MEFV: variants seen among roughly 807,000 people sequenced by gnomAD.
The protein encoded by MEFV is pyrin.
In MEFV, 60 loss-of-function variants were observed where a neutral mutation model predicts 62.5. That is an observed-to-expected ratio of 0.96 (90% CI 0.78 to 1.19). The LOEUF (loss-of-function observed/expected upper bound fraction) is 1.19, where lower values mean the gene tolerates loss of function less well. Ranked by LOEUF, MEFV falls within the 50% of genes most tolerant of loss-of-function variation. The pLI, the probability that MEFV is intolerant of heterozygous loss-of-function variation, is 0.00. For missense variants in MEFV, 1,169 were observed against 1,004.5 expected (o/e 1.16, Z -2.21); for synonymous variants, 500 against 415.2 (o/e 1.20, Z -2.48).
chr16:3,245,423 C>T (rs1958927059), intron 6 of MEFV, among the ~76,000 whole-genome samples: 1 of 152,144 alleles, frequency 6.6e-6, no homozygotes, highest in Non-Finnish European at 1.5e-5. Flanking sequence ...GGGTGGATCA[C>T]TTGAGGTCAG....
chr16:3,243,902 A>C lies in MEFV; in HGVS notation c.1760-10T>G. The C allele has an allele frequency of 6.2e-7, 1 of 1,613,950 alleles. No individual in the cohort carries two copies. Among genetic ancestry groups the C allele is most frequent in the African/African-American group, 1.3e-5 (1 of 75,046 alleles). ...CCAATCAGCTCCGGAACTACGGAGA[A>C]AAATCAGATAGGGAAAAAAATCCTG... is the stretch of plus-strand genomic sequence containing the variant. On this transcript the variant is annotated splice_polypyrimidine_tract_variant and intron_variant, in intron 8 of 9. Transcript: ENST00000219596.
At position 3,247,081 on chromosome 16, in the gene MEFV, G is replaced by C. The variant is rs199937453; in HGVS notation, c.1522C>G (p.Leu508Val). 23 of 1,614,188 alleles carry C rather than the reference G, an allele frequency of 1.4e-5. No homozygotes were observed. The African/African-American group carries it at 2.5e-4, about 18-fold the overall frequency. The change falls in exon 5 of 10, where the codon CTG (leucine) becomes GTG (valine). Residue 508 changes from leucine (L) to valine (V), a missense_variant. Transcript: ENST00000219596. ...YDTRVSQDIA[L>V]LDALIGELEA... is the part of the protein sequence containing the mutation. Reference sequence around the variant, plus strand: ...AGTTCCCCAATCAGCGCATCGAGCAGGGCGATGTCCTGGGATACGCGGGTG... The same window carrying C: ...AGTTCCCCAATCAGCGCATCGAGCACGGCGATGTCCTGGGATACGCGGGTG...
rs761181557 is a variant in MEFV, at chr16:3,254,720, C to G, written c.348G>C (p.Arg116Ser). The change falls in exon 2 of 10, where the codon AGG (arginine) becomes AGC (serine). Residue 116 changes from arginine to serine, a missense_variant. Coordinates refer to ENST00000219596, the MANE Select transcript of MEFV (RefSeq NM_000243.3). ...CGGGGTGGTCTGGAGTCTTCAGGCT[C>G]CTGGGCTTGTTCTCCCCCAGGGAGC... is the stretch of plus-strand genomic sequence containing the variant. The part of the protein sequence containing the change: ...ASSSLGENKP[R>S]SLKTPDHPEG... 4.3e-6 allele frequency: 7 copies of G among 1,612,906 alleles called. No individual in the cohort carries two copies. The highest frequency in any genetic ancestry group is 5.1e-6 in the Non-Finnish European group (6 of 1,180,014).
Position 3,243,377 on chromosome 16 carries a change from C to G in MEFV, c.2110G>C (p.Val704Leu). The change falls in exon 10 of 10, where the codon GTT (valine) becomes CTT (leucine). Residue 704 changes from valine (V) to leucine (L), a missense_variant. Coordinates refer to ENST00000219596, the MANE Select transcript of MEFV (RefSeq NM_000243.3). ...TTTATTAGCAGGCGGGTCGGGGGAACGCTGGACGCCTGGTACTCATTTTCC... is the reference window on the plus strand; with the variant it reads ...TTTATTAGCAGGCGGGTCGGGGGAAGGCTGGACGCCTGGTACTCATTTTCC... Reference protein sequence around the residue: ...MKENEYQASSVPPTRLLIKEP... With the variant: ...MKENEYQASSLPPTRLLIKEP... 1 of 1,614,130 alleles carries G rather than the reference C, an allele frequency of 6.2e-7. No homozygotes were observed. The highest frequency in any genetic ancestry group is 8.5e-7 in the Non-Finnish European group (1 of 1,180,026).
intron 6 of MEFV, among the ~76,000 whole-genome samples, chr16:3,245,949 G>A (rs1958936799): frequency 6.6e-6 from 1 of 152,176 alleles, no homozygotes; most frequent in Non-Finnish European, 1.5e-5. Context: ...TAAGCAAAAT[G>A]TATGAACACA....
In MEFV at chr16:3,243,304, C is replaced by T; in HGVS notation, c.2183G>A (p.Ser728Asn). The change falls in exon 10 of 10, where the codon AGC (serine) becomes AAC (asparagine). Residue 728 changes from serine to asparagine, a missense_variant. By Grantham distance (46) the Ser-to-Asn change is conservative. Coordinates refer to ENST00000219596, the MANE Select transcript of MEFV (RefSeq NM_000243.3). ...GGCTGTCACATTGTAAAAGGAGATG[C>T]TTCCAACTCTGTAGTCCACGAAGAT... ...VGIFVDYRVG[S>N]ISFYNVTARS... 1 of 1,614,180 alleles carries T rather than the reference C, an allele frequency of 6.2e-7. No homozygotes were observed. Among genetic ancestry groups the T allele is most frequent in the Non-Finnish European group, 8.5e-7 (1 of 1,180,040 alleles).
Position 3,244,676 on chromosome 16 carries a change from C to T in MEFV, c.1611-88G>A, listed in dbSNP as rs1256047428. ...AGCTGGAAATGAACTACATTCTCCA[C>T]AGGGCACACCTAGCCCAGCCTGAGC... On this transcript the variant is annotated intron_variant, in intron 6 of 9. Transcript: ENST00000219596. 5 of 972,202 alleles carry T rather than the reference C, an allele frequency of 5.1e-6. No individual in the cohort carries two copies. In the East Asian group the frequency reaches 9.5e-5, roughly 19 times the overall value. The allele number at this position is 972,202 out of a possible 1,614,324, so 60.2% of individuals were successfully genotyped here. A position where few individuals can be genotyped will look rare whatever the true frequency, so the allele number is the denominator to read the frequency against.
rs224204 is a variant in MEFV, at chr16:3,246,429, G to A, written c.1610+96C>T. Reference sequence around the variant, plus strand: ...GGAGTCTGGAATCACAGACCCCGGGGTTGGGAACATCTCCCTCCCAGGTCC... The same window carrying A: ...GGAGTCTGGAATCACAGACCCCGGGATTGGGAACATCTCCCTCCCAGGTCC... On this transcript the variant is annotated intron_variant, in intron 6 of 9. Transcript: ENST00000219596. 0.48 allele frequency: 687,393 copies of A among 1,418,208 alleles called. 168,563 individuals carry two copies. Among genetic ancestry groups the A allele is most frequent in the Admixed American group, 0.62 (36,009 of 58,472 alleles). 87.9% of individuals were successfully genotyped at this position (1,418,208 alleles called of 1,614,324 possible).
chr16:3,245,588 C>A lies in MEFV; in HGVS notation c.1610+937G>T, dbSNP rs575852430. Among the ~76,000 whole-genome samples, 12 of 151,686 alleles carry A rather than the reference C, an allele frequency of 7.9e-5. No homozygotes were observed. The South Asian group carries it at 2.5e-3, about 32-fold the overall frequency. ...GGCAGAGGTTGTAGTGAGCCAAGAT[C>A]GCGCCACTGCACTCCAGCCTGGATG... On this transcript the variant is annotated intron_variant, in intron 6 of 9. Transcript: ENST00000219596.
intron 2 of MEFV, among the ~76,000 whole-genome samples, chr16:3,250,434 G>A (rs1448323210): frequency 1.3e-5 from 2 of 151,610 alleles, no homozygotes; most frequent in African/African-American, 4.9e-5. Context: ...CATGGCAAGA[G>A]CCCACCTCTA....
Position 3,243,619 on chromosome 16 carries a change from C to G in MEFV, c.1868G>C (p.Gly623Ala). The G allele has an allele frequency of 5.6e-6, 9 of 1,598,380 alleles. No individual in the cohort carries two copies. Among genetic ancestry groups the G allele is most frequent in the Non-Finnish European group, 7.7e-6 (9 of 1,171,354 alleles). ...FSDDLKSVRLGNKWERLPDGP... is the reference protein window; with the variant it reads ...FSDDLKSVRLANKWERLPDGP... Reference sequence around the variant, plus strand: ...ATCAGGCAGCCTCTCCCACTTGTTTCCAAGTCTAACACTCTTCAGATCATC... The same window carrying G: ...ATCAGGCAGCCTCTCCCACTTGTTTGCAAGTCTAACACTCTTCAGATCATC... Residue 623 changes from glycine (G) to alanine (A), a missense_variant, in exon 10 of 10, where the codon GGA (glycine) becomes GCA (alanine). Physicochemically the swap from Gly to Ala is moderately conservative, Grantham distance 60 (BLOSUM62 0). Transcript: ENST00000219596.
rs1357615824 is a variant in MEFV at position 3,256,518 on chromosome 16, A to C, written c.70T>G (p.Phe24Val). ...CTGGTGTTCTGCAGCTTGAACTTGA[A>C]CTTCTCGAAGTCATAGGGCACCAGC... ...EELVPYDFEK[F>V]KFKLQNTSVQ... Residue 24 changes from phenylalanine to valine, a missense_variant, in exon 1 of 10, where the codon TTC becomes GTC. By Grantham distance (50) the Phe-to-Val change is conservative (BLOSUM62 -1). Coordinates refer to ENST00000219596, the MANE Select transcript of MEFV (RefSeq NM_000243.3). 3.1e-6 allele frequency: 5 copies of C among 1,613,900 alleles called. No individual in the cohort carries two copies. Among genetic ancestry groups the C allele is most frequent in the Non-Finnish European group, 3.4e-6 (4 of 1,179,988 alleles).
In MEFV at chr16:3,243,340, T is replaced by C; in HGVS notation, c.2147A>G (p.Lys716Arg). The C allele has an allele frequency of 6.2e-7, 1 of 1,614,220 alleles. No homozygotes were observed. Among genetic ancestry groups the C allele is most frequent in the Non-Finnish European group, 8.5e-7 (1 of 1,180,046 alleles). ...GTAGTCCACGAAGATGCCCACACGC[T>C]TGGGAGGCTCCTTTATTAGCAGGCG... Reference protein sequence around the residue: ...PTRLLIKEPPKRVGIFVDYRV... With the variant: ...PTRLLIKEPPRRVGIFVDYRV... Residue 716 changes from lysine to arginine, a missense_variant, in exon 10 of 10, where the codon AAG becomes AGG. Coordinates refer to ENST00000219596, the MANE Select transcript of MEFV (RefSeq NM_000243.3).
rs769261770 is a variant in MEFV, at chr16:3,254,109, G to C, written c.910+49C>G. The C allele has an allele frequency of 1.9e-5, 30 of 1,599,886 alleles. No homozygotes were observed. In the African/African-American group the frequency reaches 3.2e-4, roughly 17 times the overall value. The stretch of plus-strand genomic sequence containing the variant: ...AGGCATGAGCTATCGTGCCCGGCCA[G>C]CCATTCTTTCTCTGCAGCCGATATA... On this transcript the variant is annotated intron_variant, in intron 2 of 9. Transcript: ENST00000219596.
rs1340996058 is a variant in MEFV, at chr16:3,243,461, T to C, written c.2026A>G (p.Arg676Gly). The C allele has an allele frequency of 6.2e-7, 1 of 1,614,160 alleles. No individual in the cohort carries two copies. The highest frequency in any genetic ancestry group is 8.5e-7 in the Non-Finnish European group (1 of 1,180,034). The change falls in exon 10 of 10, where the codon AGG becomes GGG. Residue 676 changes from arginine (R) to glycine (G), a missense_variant. Arg to Gly is a moderately radical substitution (Grantham distance 125, BLOSUM62 -2). Transcript: ENST00000219596. ...ILGACKTSIS[R>G]KGNMTLSPEN... ...GGCGACAGAGTCATGTTCCCTTTCC[T>C]GCTTATGGATGTCTTGCAGGCTCCC...
In MEFV at chr16:3,249,413, C is replaced by T. The variant is rs104895136; in HGVS notation, c.1260+18G>A. ...CAAGTGCCTGGCAGAGAAGAGCCCA[C>T]AGGCAGGGAGTGCCTACCTTGTGTT... On this transcript the variant is annotated intron_variant, in intron 3 of 9. Transcript: ENST00000219596. 2 of 1,606,732 alleles carry T rather than the reference C, an allele frequency of 1.2e-6. No individual in the cohort carries two copies. The highest frequency in any genetic ancestry group is 4.5e-5 in the East Asian group (2 of 44,832).
At chr16:3,249,109 T>A in intron 3 of MEFV, 105 bp from the exon 4 acceptor site, 1 of 1,178,172 alleles carries the variant, frequency 8.5e-7, no homozygotes, top group Non-Finnish European at 1.3e-6. Flanking sequence ...AGGCTGAGGG[T>A]GCTGCTGCCA....
In MEFV at chr16:3,247,220, C is replaced by T. The variant is rs2141669233; in HGVS notation, c.1383G>A (p.Arg461=). 8 of 1,614,150 alleles carry T rather than the reference C, an allele frequency of 5.0e-6. No individual in the cohort carries two copies. The highest frequency in any genetic ancestry group is 6.8e-6 in the Non-Finnish European group (8 of 1,180,038). ...FLKQTEALKQ[R]VQRKLEQVYY... is the part of the protein sequence containing the mutation. ...ACACCTGCTCCAGCTTCCTCTGCAC[C>T]CGCTGCTTCAGCGCTTCAGTTTGTT... Residue 461 remains arginine (R), a synonymous_variant, in exon 5 of 10, where the codon CGG becomes CGA. Transcript: ENST00000219596.
Position 3,244,488 on chromosome 16 carries a change from T to C in MEFV, c.1711A>G (p.Thr571Ala), listed in dbSNP as rs1477608905. The C allele has an allele frequency of 1.2e-6, 2 of 1,613,792 alleles. No homozygotes were observed. The highest frequency in any genetic ancestry group is 1.7e-6 in the Non-Finnish European group (2 of 1,179,706). Residue 571 changes from threonine (T) to alanine (A), a missense_variant, in exon 7 of 10, where the codon ACA becomes GCA. Coordinates refer to ENST00000219596, the MANE Select transcript of MEFV (RefSeq NM_000243.3). ...HQKSEFVEKS[T>A]KYFSETLRSE... ...GCCCATCTACCTGAGAAGTACTTTG[T>C]GCTCTTCTCCACAAACTCTGACTTC...
Sources: allele counts gnomAD v4.1 joint callset (sites outside exome capture counted in the v4.1 genomes callset), GRCh38; gene constraint gnomAD v4.1.1; transcripts MANE v1.5; gene names NCBI Gene and HGNC (gene_info 2026-07-23, HGNC 2026-07-21).